Variants in TDRD3 observed in about 807,000 individuals in gnomAD.
TDRD3 encodes the protein tudor domain-containing protein 3.
Under a neutral mutation model 86.7 loss-of-function variants are expected in TDRD3, and 45 were observed. The ratio of observed to expected loss-of-function variants is 0.52; its 90% confidence interval spans 0.41 to 0.67. TDRD3 has a LOEUF of 0.67. Among genes scored for constraint, TDRD3 ranks in the 30% least tolerant of loss-of-function variants. TDRD3 has a pLI of 0.00. For missense variants in TDRD3, 814 were observed against 889.0 expected (o/e 0.92, Z 1.07); for synonymous variants, 298 against 301.7 (o/e 0.99, Z 0.13).
intron 7 of TDRD3, 148 bp downstream of exon 7, chr13:60,486,096 C>A (rs1956430068): frequency 1.4e-6 from 1 of 724,586 alleles, no homozygotes; most frequent in East Asian, 3.3e-5. Context: ...CTGGGAATGC[C>A]CTGCCACTTC....
intron 4 of TDRD3, among the ~76,000 whole-genome samples, chr13:60,461,550 C>G (rs185497829): frequency 6.6e-6 from 1 of 152,124 alleles, no homozygotes; most frequent in African/African-American, 2.4e-5. Flanking sequence ...TATACACTCA[C>G]GTTTGCAGCT....
At chr13:60,518,870 C>T (rs1380583916) in intron 10 of TDRD3, among the ~76,000 whole-genome samples, 2 of 152,078 alleles carry the variant, frequency 1.3e-5, no homozygotes. Flanking sequence ...TTTTAGCCCA[C>T]AGTTTTATTA....
intron 13 of TDRD3, 23 bp from the exon 14 acceptor site, chr13:60,573,593 T>C (rs1193956581): frequency 1.0e-6 from 1 of 985,190 alleles, no homozygotes; most frequent in African/African-American, 1.7e-5. Context: ...CAATTTCATT[T>C]TCTTCATTTC....
At chr13:60,496,959 T>C (rs1338078151) in intron 8 of TDRD3, among the ~76,000 whole-genome samples, 3 of 152,178 alleles carry the variant, frequency 2.0e-5, no homozygotes, top group Non-Finnish European at 4.4e-5. Context: ...TATAGCTCTG[T>C]TAGAAGCGGT....
At chr13:60,433,655 T>C (rs959432273) in intron 1 of TDRD3, among the ~76,000 whole-genome samples, 2 of 152,234 alleles carry the variant, frequency 1.3e-5, no homozygotes, top group Non-Finnish European at 2.9e-5. Flanking sequence ...ACAAAGTACA[T>C]GTACCACATG....
chr13:60,408,262 C>T (rs977591496), intron 1 of TDRD3, among the ~76,000 whole-genome samples: 2 of 152,162 alleles, frequency 1.3e-5, no homozygotes, highest in Non-Finnish European at 2.9e-5. Flanking sequence ...ACCTCTTTTT[C>T]TTCCCAGTCC....
chr13:60,527,413 C>A (rs1039695080), intron 10 of TDRD3, among the ~76,000 whole-genome samples: 1 of 152,118 alleles, frequency 6.6e-6, no homozygotes, highest in Admixed American at 6.5e-5. Flanking sequence ...TCAGTGGAGG[C>A]CCTCTTTGGA....
intron 6 of TDRD3, among the ~76,000 whole-genome samples, chr13:60,485,523 G>C (rs1009698301): frequency 6.6e-6 from 1 of 151,900 alleles, no homozygotes; most frequent in Non-Finnish European, 1.5e-5. Flanking sequence ...TAAAATGAAG[G>C]CTCTCTTGAT....
At chr13:60,553,844 G>A (rs1253556139) in intron 12 of TDRD3, among the ~76,000 whole-genome samples, 1 of 152,094 alleles carries the variant, frequency 6.6e-6, no homozygotes, top group Admixed American at 6.6e-5. Context: ...TGGGGACACA[G>A]AGTCAAACTA....
chr13:60,462,099 G>A (rs1356713377), intron 4 of TDRD3, among the ~76,000 whole-genome samples: 2 of 152,202 alleles, frequency 1.3e-5, no homozygotes, highest in Non-Finnish European at 2.9e-5. Context: ...TACAAAGGGA[G>A]ATTTGTTGAC....
chr13:60,499,604 G>C lies in TDRD3; in HGVS notation c.858+5029G>C, dbSNP rs150573117. Among the ~76,000 whole-genome samples, 214 of 152,338 alleles carry C rather than the reference G, an allele frequency of 1.4e-3. 1 individual carries two copies. The highest frequency in any genetic ancestry group is 0.011 in the East Asian group (55 of 5,194). On this transcript the variant is annotated intron_variant, in intron 8 of 13. Transcript: ENST00000377881. ...GACATATGCTGATTGGATCCAGTAA[G>C]CACGAAGTAGCAAACACAGTGGGCT...
chr13:60,427,505 C>T (rs765793921), intron 1 of TDRD3, among the ~76,000 whole-genome samples: 50 of 152,096 alleles, frequency 3.3e-4, no homozygotes, highest in Admixed American at 8.5e-4. Flanking sequence ...TGTTTGGAGT[C>T]GGCTTCGCAC....
intron 1 of TDRD3, among the ~76,000 whole-genome samples, chr13:60,428,227 A>AT (rs1954859512): frequency 6.7e-6 from 1 of 149,818 alleles, no homozygotes; most frequent in Non-Finnish European, 1.5e-5. Flanking sequence ...ACCTGCCTGG[A>AT]TTATCTAGTA....
At chr13:60,543,964 GT>G (rs79811167) in intron 12 of TDRD3, among the ~76,000 whole-genome samples, 8,001 of 131,584 alleles carry the variant, frequency 0.061, 199 homozygotes, top group Non-Finnish European at 0.064. Flanking sequence ...TAATATAGCT[GT>G]TTTTTTTTTT....
chr13:60,520,587 T>A (rs1013458378), intron 10 of TDRD3, among the ~76,000 whole-genome samples: 4 of 152,216 alleles, frequency 2.6e-5, no homozygotes, highest in Non-Finnish European at 4.4e-5. Flanking sequence ...CTTTCATAGA[T>A]TTTATTACAG....
At chr13:60,509,029 A>G (rs1368909488) in intron 8 of TDRD3, among the ~76,000 whole-genome samples, 2 of 152,332 alleles carry the variant, frequency 1.3e-5, no homozygotes, top group Admixed American at 1.3e-4. Flanking sequence ...AACCATTGAC[A>G]AAGAACTAAA....
intron 12 of TDRD3, among the ~76,000 whole-genome samples, chr13:60,541,481 AT>A (rs1011553881): frequency 1.7e-4 from 26 of 150,474 alleles, no homozygotes; most frequent in African/African-American, 6.1e-4. Context: ...GCATTCTTTT[AT>A]TTTTTTTTGT....
chr13:60,424,348 A>G (rs1954743800), intron 1 of TDRD3, among the ~76,000 whole-genome samples: 1 of 151,756 alleles, frequency 6.6e-6, no homozygotes, highest in South Asian at 2.1e-4. Context: ...AACTTTATTG[A>G]GTTATAAATC....
In TDRD3 at chr13:60,464,347, T is replaced by C. The variant is rs1045419402; in HGVS notation, c.354-2891T>C. Reference sequence around the variant, plus strand: ...ACCACCATGGAAAACGGTATGGCGGTTCCTAAGGAAACTAAAAATAGAAAT... The same window carrying C: ...ACCACCATGGAAAACGGTATGGCGGCTCCTAAGGAAACTAAAAATAGAAAT... On this transcript the variant is annotated intron_variant, in intron 4 of 13. Transcript: ENST00000377881. 7.2e-5 allele frequency among the ~76,000 whole-genome samples: 11 copies of C among 151,958 alleles called. 1 individual carries two copies. Among genetic ancestry groups the C allele is most frequent in the Middle Eastern group, 6.3e-3 (2 of 316 alleles).
Sources: allele counts gnomAD v4.1 joint callset (sites outside exome capture counted in the v4.1 genomes callset), GRCh38; gene constraint gnomAD v4.1.1; transcripts MANE v1.5; gene names NCBI Gene and HGNC (gene_info 2026-07-23, HGNC 2026-07-21).